The following CABIN1 variants were observed in gnomAD, a reference collection of about 807,000 sequenced individuals.
CABIN1 encodes the protein calcineurin-binding protein cabin-1.
A neutral mutation model predicts 227.7 loss-of-function variants in CABIN1; 133 were observed. The observed-to-expected ratio is 0.58, with a 90% CI of 0.51 to 0.67. CABIN1 has a LOEUF of 0.67. Ranked by LOEUF, CABIN1 falls within the 30% of genes least tolerant of loss-of-function variation. The pLI is 0.00. For synonymous variants in CABIN1, 1,086 were observed against 1,155.1 expected (o/e 0.94, Z 1.21); for missense variants, 2,408 against 2,852.5 (o/e 0.84, Z 3.55).
intron 29 of CABIN1, among the ~76,000 whole-genome samples, chr22:24,150,925 G>A (rs1260471469): frequency 6.6e-6 from 1 of 152,196 alleles, no homozygotes; most frequent in Non-Finnish European, 1.5e-5. Flanking sequence ...CTATGCTTGG[G>A]TCAAGTCTTT....
chr22:24,072,906 A>G (rs559594034), intron 18 of CABIN1, among the ~76,000 whole-genome samples: 3 of 152,220 alleles, frequency 2.0e-5, no homozygotes, highest in African/African-American at 2.4e-5. Flanking sequence ...CCACATCCCA[A>G]CTGTCACTTC....
chr22:24,017,093 A>G (rs908479844), intron 1 of CABIN1, among the ~76,000 whole-genome samples: 7 of 147,942 alleles, frequency 4.7e-5, no homozygotes, highest in Non-Finnish European at 8.9e-5. Flanking sequence ...CTGGAGTGCA[A>G]TGGCGCGATC....
intron 26 of CABIN1, chr22:24,101,809 T>A (rs2042216215): frequency 6.6e-6 from 1 of 152,164 alleles, no homozygotes; most frequent in Non-Finnish European, 1.5e-5. Context: ...TCAAGCAACA[T>A]AAGGAGATCT....
intron 1 of CABIN1, among the ~76,000 whole-genome samples, chr22:24,021,694 T>G (rs2035739736): frequency 6.6e-6 from 1 of 152,078 alleles, no homozygotes. Context: ...TTATTCTTTG[T>G]TTTTTGTTTT....
At position 24,015,780 on chromosome 22, in the gene CABIN1, A is replaced by G. The variant is rs550064641; in HGVS notation, c.-75+4413A>G. Among the ~76,000 whole-genome samples the G allele has an allele frequency of 4.0e-5, 6 of 150,720 alleles. No individual in the cohort carries two copies. In the South Asian group the frequency reaches 1.3e-3, roughly 32 times the overall value. ...AGGCCAGCCTGACCAACATGGTGAA[A>G]CCCCTTTCTACTAAAAATACAAAAA... On this transcript the variant is annotated intron_variant, in intron 1 of 36. Transcript: ENST00000263119.
chr22:24,153,421 G>A (rs1215487564), intron 29 of CABIN1, among the ~76,000 whole-genome samples: 4 of 152,156 alleles, frequency 2.6e-5, no homozygotes, highest in African/African-American at 9.7e-5. Context: ...GGGTTTTCCT[G>A]CATAGGGTGC....
At chr22:24,087,865 A>T (rs536301060) in intron 23 of CABIN1, 152 bp downstream of exon 23, 1 of 1,060,158 alleles carries the variant, frequency 9.4e-7, no homozygotes, top group Non-Finnish European at 1.4e-6. Context: ...GGCTTAAGCC[A>T]TACCATGGTC....
intron 1 of CABIN1, among the ~76,000 whole-genome samples, chr22:24,034,183 A>G (rs1298144106): frequency 1.3e-5 from 2 of 152,230 alleles, no homozygotes; most frequent in Non-Finnish European, 2.9e-5. Context: ...GAGTTCAGGC[A>G]GTAATGCTTG....
In CABIN1 at chr22:24,042,967, C is replaced by T; in HGVS notation, c.409C>T (p.Leu137Phe). 2 of 1,613,746 alleles carry T rather than the reference C, an allele frequency of 1.2e-6. No individual in the cohort carries two copies. The highest frequency in any genetic ancestry group is 1.7e-6 in the Non-Finnish European group (2 of 1,179,972). Residue 137 changes from leucine to phenylalanine, a missense_variant, in exon 6 of 37, where the codon CTC becomes TTC. This residue lies in a region of CABIN1 where 1,045 missense variants were observed against 1,168.4 expected (regional missense o/e 0.89). Coordinates refer to ENST00000263119, the MANE Select transcript of CABIN1 (RefSeq NM_012295.4). ...WYKIGHVALR[L>F]IRIPLARHAF... is the part of the protein sequence containing the mutation. Reference sequence around the variant, plus strand: ...TAAGATTGGACATGTGGCCCTGAGGCTCATCCGGATCCCCCTGGCTCGCCA... The same window carrying T: ...TAAGATTGGACATGTGGCCCTGAGGTTCATCCGGATCCCCCTGGCTCGCCA...
chr22:24,017,057 T>A (rs1205027957), intron 1 of CABIN1, among the ~76,000 whole-genome samples: 1 of 150,502 alleles, frequency 6.6e-6, no homozygotes, highest in African/African-American at 2.4e-5. Context: ...TTTTTTTTTT[T>A]TTGAGATGGA....
intron 15 of CABIN1, among the ~76,000 whole-genome samples, chr22:24,066,638 C>G (rs1223195200): frequency 6.6e-6 from 1 of 152,120 alleles, no homozygotes; most frequent in African/African-American, 2.4e-5. Context: ...TCTGACAACC[C>G]GATGTTCCGC....
At chr22:24,164,991 C>T (rs2046363762) in intron 30 of CABIN1, among the ~76,000 whole-genome samples, 1 of 152,206 alleles carries the variant, frequency 6.6e-6, no homozygotes, top group African/African-American at 2.4e-5. Context: ...AGCTCTCCGC[C>T]AGAAAGGGCA....
At chr22:24,025,143 A>T (rs745951475) in intron 1 of CABIN1, among the ~76,000 whole-genome samples, 1 of 152,118 alleles carries the variant, frequency 6.6e-6, no homozygotes, top group Non-Finnish European at 1.5e-5. Flanking sequence ...TAAGTATTAT[A>T]GTATGGATAA....
intron 26 of CABIN1, among the ~76,000 whole-genome samples, chr22:24,100,736 C>T (rs1798701673): frequency 6.6e-6 from 1 of 152,154 alleles, no homozygotes; most frequent in South Asian, 2.1e-4. Context: ...GCACAGCAGG[C>T]CCTGGTCAAA....
intron 29 of CABIN1, among the ~76,000 whole-genome samples, chr22:24,156,268 G>A (rs995764310): frequency 2.6e-5 from 4 of 152,092 alleles, no homozygotes; most frequent in Admixed American, 2.0e-4. Flanking sequence ...AAGCCCGTGG[G>A]CTGTGGTTTC....
At chr22:24,157,189 A>G (rs928151814) in intron 29 of CABIN1, among the ~76,000 whole-genome samples, 1 of 152,054 alleles carries the variant, frequency 6.6e-6, no homozygotes, top group African/African-American at 2.4e-5. Context: ...TCCTGTCCCT[A>G]GGGGTGTTCA....
chr22:24,175,120 C>T (rs2047032632), intron 34 of CABIN1, among the ~76,000 whole-genome samples: 1 of 152,198 alleles, frequency 6.6e-6, no homozygotes, highest in Non-Finnish European at 1.5e-5. Context: ...TTCCCATTCC[C>T]AAAACCAAAT....
At chr22:24,111,805 C>T (rs191483125) in intron 26 of CABIN1, among the ~76,000 whole-genome samples, 4 of 152,300 alleles carry the variant, frequency 2.6e-5, no homozygotes, top group South Asian at 4.1e-4. Context: ...TGGAGATTGT[C>T]GGTATGTCTA....
Position 24,168,407 on chromosome 22 carries a change from A to G in CABIN1, c.5683-40A>G, listed in dbSNP as rs11912772. ...ACAGGGCTGGGGGAGGCTAACCACA[A>G]TGGCCTGCGCCCCCTGACTTCCAGC... On this transcript the variant is annotated intron_variant, in intron 32 of 36. Transcript: ENST00000263119. 3.0e-4 allele frequency: 466 copies of G among 1,547,158 alleles called. 1 individual carries two copies. In the African/African-American group the frequency reaches 5.7e-3, roughly 19 times the overall value.
Sources: gnomAD v4.1 joint callset for allele counts (sites outside exome capture counted in the v4.1 genomes callset) on GRCh38, gnomAD v4.1.1 for gene constraint, gnomAD v4.1.1 regional missense constraint, MANE v1.5 for transcripts, NCBI Gene and HGNC (gene_info 2026-07-23, HGNC 2026-07-21) for gene names.